The following MPC1 variants were observed in gnomAD, a reference collection of about 807,000 sequenced individuals.
The protein encoded by MPC1 is HSPC040 protein.
Under a neutral mutation model 13.9 loss-of-function variants are expected in MPC1, and 6 were observed. The observed-to-expected ratio is 0.43, with a 90% CI of 0.24 to 0.85. The LOEUF (loss-of-function observed/expected upper bound fraction) is 0.85, where lower values mean the gene tolerates loss of function less well. Among genes scored for constraint, MPC1 ranks in the 40% least tolerant of loss-of-function variants. The pLI is 0.24. For synonymous variants in MPC1, 47 were observed against 50.5 expected (o/e 0.93, Z 0.29); for missense variants, 115 against 143.3 (o/e 0.80, Z 1.01).
At chr6:166,376,103 CAG>C (rs1466268841) in intron 1 of MPC1, among the ~76,000 whole-genome samples, 1 of 151,936 alleles carries the variant, frequency 6.6e-6, no homozygotes, top group Non-Finnish European at 1.5e-5. Flanking sequence ...TAAGGCTCTC[CAG>C]AGAGACAGAA....
intron 1 of MPC1, among the ~76,000 whole-genome samples, chr6:166,374,808 T>C (rs1187521057): frequency 6.6e-6 from 1 of 152,200 alleles, no homozygotes; most frequent in Admixed American, 6.5e-5. Flanking sequence ...ATCTGTCTAT[T>C]CCTTTGCCAG....
chr6:166,373,103 C>A (rs934021544), intron 1 of MPC1, among the ~76,000 whole-genome samples: 22 of 152,166 alleles, frequency 1.4e-4, no homozygotes, highest in African/African-American at 5.3e-4. Flanking sequence ...TTATCTACAT[C>A]CCCCGCCCAT....
At chr6:166,366,154 G>A (rs933377395) in intron 3 of MPC1, 48 bp from the exon 4 acceptor site, 6 of 1,595,340 alleles carry the variant, frequency 3.8e-6, no homozygotes, top group Non-Finnish European at 5.1e-6. Context: ...AGAAAACTGA[G>A]AGGGTTGATA....
At chr6:166,378,133 A>T (rs970415131) in intron 1 of MPC1, among the ~76,000 whole-genome samples, 4 of 152,192 alleles carry the variant, frequency 2.6e-5, no homozygotes, top group Non-Finnish European at 5.9e-5. Flanking sequence ...GAAGCACTGG[A>T]ATTTCTAAGG....
intron 2 of MPC1, chr6:166,369,360 C>G (rs1779288722): frequency 6.6e-6 from 1 of 152,186 alleles, no homozygotes; most frequent in African/African-American, 2.4e-5. Flanking sequence ...CAAGATAGTG[C>G]TACTGCACTC....
chr6:166,373,916 T>G (rs1171236719), intron 1 of MPC1, among the ~76,000 whole-genome samples: 1 of 152,204 alleles, frequency 6.6e-6, no homozygotes, highest in Non-Finnish European at 1.5e-5. Flanking sequence ...CGGAGAGGTA[T>G]CTGCTTAAGT....
At chr6:166,373,649 T>G (rs529664033) in intron 1 of MPC1, among the ~76,000 whole-genome samples, 1 of 152,312 alleles carries the variant, frequency 6.6e-6, no homozygotes, top group Non-Finnish European at 1.5e-5. Flanking sequence ...TACCAAAGAA[T>G]GTGTAAGAAA....
At chr6:166,368,554 A>AG (rs1409772036) in intron 2 of MPC1, among the ~76,000 whole-genome samples, 31 of 61,340 alleles carry the variant, frequency 5.1e-4, no homozygotes, top group South Asian at 2.7e-3. Flanking sequence ...ACTCCGTCTC[A>AG]GGGAAAAAAA....
At position 166,365,722 on chromosome 6, in the gene MPC1, T is replaced by C. The variant is rs568356686; in HGVS notation, c.305+252A>G. ...AAATCCAAAATGCTCCAATGAGCAC[T>C]TCCTTTGAGTGTCATGTTGGCACTC... On this transcript the variant is annotated intron_variant, in intron 4 of 4. Transcript: ENST00000360961. This position sits in a 1 kb window ranked among gnomAD's most constrained non-coding sequence, Gnocchi z 4.2. 6.6e-6 allele frequency among the ~76,000 whole-genome samples: 1 copy of C among 152,330 alleles called. No individual in the cohort carries two copies. Among genetic ancestry groups the C allele is most frequent in the East Asian group, 1.9e-4 (1 of 5,190 alleles).
intron 2 of MPC1, among the ~76,000 whole-genome samples, chr6:166,367,818 T>A (rs753861034): frequency 6.6e-6 from 1 of 152,194 alleles, no homozygotes; most frequent in Admixed American, 6.5e-5. Context: ...CTTCTGCCTA[T>A]CATAATGTTT....
At position 166,366,913 on chromosome 6, in the gene MPC1, G is replaced by C. The variant is rs756637240; in HGVS notation, c.76-22C>G. On this transcript the variant is annotated intron_variant, in intron 2 of 4. Transcript: ENST00000360961. The stretch of plus-strand genomic sequence containing the variant: ...AGTGCTACAAAAAATGAGAGGAAAA[G>C]AATGAAGAGAGGAAAAAGTTAAGAC... 4 of 1,613,532 alleles carry C rather than the reference G, an allele frequency of 2.5e-6. No homozygotes were observed. In the South Asian group the frequency reaches 4.4e-5, roughly 18 times the overall value.
At position 166,382,867 on chromosome 6, in the gene MPC1, C is replaced by G. The variant is rs1779857420; in HGVS notation, c.10G>C (p.Ala4Pro). ...TAGTCCGCCGCTTTCCGCACCAACG[C>G]GCCCGCCATGGCTGTGCCGACACCA... MAG[A>P]LVRKAADYVR... is the part of the protein sequence containing the mutation. The change falls in exon 1 of 5, where the codon GCG becomes CCG. Residue 4 changes from alanine (A) to proline (P), a missense_variant. Transcript: ENST00000360961. 4 of 1,593,758 alleles carry G rather than the reference C, an allele frequency of 2.5e-6. No individual in the cohort carries two copies. The East Asian group carries it at 9.3e-5, about 37-fold the overall frequency.
At chr6:166,373,774 T>G (rs1779469853) in intron 1 of MPC1, among the ~76,000 whole-genome samples, 1 of 152,238 alleles carries the variant, frequency 6.6e-6, no homozygotes, top group Non-Finnish European at 1.5e-5. Context: ...CGTTCTGCCT[T>G]TTGGCCTTTC....
At chr6:166,370,885 T>G (rs542846477) in intron 1 of MPC1, among the ~76,000 whole-genome samples, 2 of 152,198 alleles carry the variant, frequency 1.3e-5, no homozygotes, top group Non-Finnish European at 2.9e-5. Context: ...AGAAATTACT[T>G]GTATTAATAT....
intron 1 of MPC1, among the ~76,000 whole-genome samples, chr6:166,380,575 GA>G (rs1779729262): frequency 6.6e-6 from 1 of 152,150 alleles, no homozygotes; most frequent in Non-Finnish European, 1.5e-5. Context: ...TTTAGTAGAA[GA>G]AAATATAACA....
At chr6:166,379,579 TGTG>T (rs201915224) in intron 1 of MPC1, among the ~76,000 whole-genome samples, 1,810 of 152,342 alleles carry the variant, frequency 0.012, 14 homozygotes, top group Non-Finnish European at 0.018. Flanking sequence ...ATTTATAATC[TGTG>T]TAAAATATGA....
intron 1 of MPC1, chr6:166,381,742 G>A: frequency 3.6e-6 from 3 of 843,466 alleles, no homozygotes; most frequent in Non-Finnish European, 4.3e-6. Context: ...TGGAAAGGAG[G>A]AGTTAACAGA....
rs562918087 is a variant in MPC1 at position 166,380,162 on chromosome 6, T to C, written c.71+2644A>G. On this transcript the variant is annotated intron_variant, in intron 1 of 4. Transcript: ENST00000360961. ...TTAACTTTCTAAATAACTGTAAACT[T>C]TAAAAAATGTTTTCGCTTGCAAAAA... Among the ~76,000 whole-genome samples the C allele has an allele frequency of 2.1e-4, 32 of 152,266 alleles. 1 individual carries two copies. The highest frequency in any genetic ancestry group is 4.7e-4 in the Non-Finnish European group (32 of 68,048).
In MPC1 at chr6:166,366,219, G is replaced by T. The variant is rs530701409; in HGVS notation, c.173-113C>A. On this transcript the variant is annotated intron_variant, in intron 3 of 4. Transcript: ENST00000360961. ...CTGATCAAAAAAGAACCTCTTCTGCGAAAGCCTTTGACAGATAAAAGTTGT... is the reference window on the plus strand; with the variant it reads ...CTGATCAAAAAAGAACCTCTTCTGCTAAAGCCTTTGACAGATAAAAGTTGT... 6 of 1,223,328 alleles carry T rather than the reference G, an allele frequency of 4.9e-6. No homozygotes were observed. The African/African-American group carries it at 9.1e-5, about 18-fold the overall frequency. 75.8% of individuals were successfully genotyped at this position (1,223,328 alleles called of 1,614,324 possible). A position where few individuals can be genotyped will look rare whatever the true frequency, so the allele number is the denominator to read the frequency against.
Sources: gnomAD v4.1 joint callset for allele counts (sites outside exome capture counted in the v4.1 genomes callset) on GRCh38, gnomAD v4.1.1 for gene constraint, Gnocchi (gnomAD v3.1) non-coding constraint, MANE v1.5 for transcripts, NCBI Gene and HGNC (gene_info 2026-07-23, HGNC 2026-07-21) for gene names.